Variants in LCMT1 observed in about 807,000 individuals in gnomAD.
The protein encoded by LCMT1 is [Phosphatase 2A protein]-leucine-carboxy methyltransferase 1.
A neutral mutation model predicts 47.7 loss-of-function variants in LCMT1; 32 were observed. The observed-to-expected ratio is 0.67, with a 90% confidence interval of 0.51 to 0.90. The LOEUF (loss-of-function observed/expected upper bound fraction) is 0.90. Among genes scored for constraint, LCMT1 ranks in the 40% least tolerant of loss-of-function variants. The pLI is 0.00. For missense variants in LCMT1, 375 were observed against 415.2 expected (o/e 0.90, Z 0.84); for synonymous variants, 152 against 149.7 (o/e 1.02, Z -0.11).
chr16:25,167,017 AG>A lies in LCMT1; in HGVS notation c.691-2094del, dbSNP rs1961609497. 3.9e-5 allele frequency among the ~76,000 whole-genome samples: 6 copies of A among 152,026 alleles called. No homozygotes were observed. In the South Asian group the frequency reaches 1.0e-3, roughly 26 times the overall value. Reference sequence around the variant, plus strand: ...TTGTACTGCTGCTTTCCCTTTCCTTAGTTTGTGTATTCTTTTGTTGAACAAG... The same window carrying A: ...TTGTACTGCTGCTTTCCCTTTCCTTATTTGTGTATTCTTTTGTTGAACAAG... On this transcript the variant is annotated intron_variant, in intron 7 of 10. Coordinates refer to ENST00000399069, the MANE Select transcript of LCMT1 (RefSeq NM_016309.3).
In LCMT1 at chr16:25,140,179, T is replaced by C. The variant is rs373688629; in HGVS notation, c.336T>C (p.Asp112=). The C allele has an allele frequency of 4.4e-6, 7 of 1,607,032 alleles. No homozygotes were observed. The African/African-American group carries it at 6.7e-5, about 15-fold the overall frequency. Residue 112 remains aspartate (D), a synonymous_variant, in exon 4 of 11, where the codon GAT becomes GAC. Coordinates refer to ENST00000399069, the MANE Select transcript of LCMT1 (RefSeq NM_016309.3). ...DTTFWRLKDE[D]LLPSKYFEVD... is the part of the protein sequence containing the mutation. ...TGTGTGTTTTTCCCCAGGATGAAGA[T>C]CTTCTCCCAAGTAAATATTTTGAGG...
intron 9 of LCMT1, among the ~76,000 whole-genome samples, chr16:25,172,780 A>T (rs1302463143): frequency 1.3e-5 from 2 of 152,238 alleles, no homozygotes; most frequent in African/African-American, 2.4e-5. Flanking sequence ...TTCTTCCAGA[A>T]GCATCCTTCC....
chr16:25,124,742 A>G (rs552474141), intron 1 of LCMT1, among the ~76,000 whole-genome samples: 1 of 152,364 alleles, frequency 6.6e-6, no homozygotes, highest in South Asian at 2.1e-4. Context: ...TCGTGGAGAC[A>G]GGTCTCAGTC....
rs750991801 is a variant in LCMT1, at chr16:25,123,223, CTTT to C, written c.114-5235_114-5233del. Among the ~76,000 whole-genome samples the C allele has an allele frequency of 9.5e-3, 1,098 of 116,158 alleles. 11 individuals carry two copies. The highest frequency in any genetic ancestry group is 0.034 in the African/African-American group (1,038 of 30,262). The allele number at this position is 116,158 out of a possible 152,430, so 76.2% of individuals were successfully genotyped here. On this transcript the variant is annotated intron_variant, in intron 1 of 10. Coordinates refer to ENST00000399069, the MANE Select transcript of LCMT1 (RefSeq NM_016309.3). ...ACAACACTTGTATTATATATAACTT[CTTT>C]TTTTTTTTTTTTTTTTGTGACAGAG...
At chr16:25,156,618 C>T (rs373053711) in intron 5 of LCMT1, among the ~76,000 whole-genome samples, 26 of 152,238 alleles carry the variant, frequency 1.7e-4, no homozygotes, top group African/African-American at 5.8e-4. Flanking sequence ...GGCTGGGGCT[C>T]GGGTGGCAGG....
At chr16:25,131,797 C>T (rs982753791) in intron 2 of LCMT1, among the ~76,000 whole-genome samples, 4 of 152,162 alleles carry the variant, frequency 2.6e-5, no homozygotes, top group East Asian at 1.9e-4. Flanking sequence ...GGTCTATCCT[C>T]CCAAGAAGCT....
intron 9 of LCMT1, among the ~76,000 whole-genome samples, chr16:25,172,334 G>T (rs965211320): frequency 6.6e-6 from 1 of 151,502 alleles, no homozygotes; most frequent in African/African-American, 2.4e-5. Flanking sequence ...AGGGTACATA[G>T]TATTTATATT....
intron 5 of LCMT1, among the ~76,000 whole-genome samples, chr16:25,153,370 C>T (rs1348570852): frequency 6.6e-6 from 1 of 152,208 alleles, no homozygotes; most frequent in Non-Finnish European, 1.5e-5. Flanking sequence ...GGGCCCACAT[C>T]TGGCAAGGGC....
At chr16:25,165,073 A>AAGTC (rs1306155189) in intron 7 of LCMT1, among the ~76,000 whole-genome samples, 3 of 149,894 alleles carry the variant, frequency 2.0e-5, no homozygotes, top group African/African-American at 7.4e-5. Context: ...TCAGTGGAGG[A>AAGTC]AGTCAGCCAG....
intron 2 of LCMT1, among the ~76,000 whole-genome samples, chr16:25,131,569 G>C (rs1285753950): frequency 1.3e-5 from 2 of 152,180 alleles, no homozygotes; most frequent in Non-Finnish European, 2.9e-5. Context: ...TTGTAATAAA[G>C]TTTCTAAATG....
intron 5 of LCMT1, among the ~76,000 whole-genome samples, chr16:25,153,295 T>C (rs930717741): frequency 1.3e-5 from 2 of 152,224 alleles, no homozygotes; most frequent in African/African-American, 2.4e-5. Flanking sequence ...TACCTGGGAC[T>C]GGGTACTTTA....
At chr16:25,119,549 G>C (rs1385747449) in intron 1 of LCMT1, among the ~76,000 whole-genome samples, 6 of 152,016 alleles carry the variant, frequency 3.9e-5, no homozygotes, top group Non-Finnish European at 5.9e-5. Context: ...TGGTCTATGT[G>C]TTCTAGAAAG....
chr16:25,151,446 T>C, intron 4 of LCMT1, 108 bp from the exon 5 acceptor site: 1 of 900,542 alleles, frequency 1.1e-6, no homozygotes, highest in South Asian at 1.5e-5. Context: ...AGCAAATATA[T>C]ATTTGCCATT....
rs147678773 is a variant in LCMT1, at chr16:25,138,656, C to T, written c.328-1515C>T. Reference sequence around the variant, plus strand: ...ACCTGTGTCTGTAACAATAAAGGCACACACGTGTTGATTCAAATGCTAGAG... The same window carrying T: ...ACCTGTGTCTGTAACAATAAAGGCATACACGTGTTGATTCAAATGCTAGAG... On this transcript the variant is annotated intron_variant, in intron 3 of 10. Transcript: ENST00000399069. Among the ~76,000 whole-genome samples, 394 of 152,320 alleles carry T rather than the reference C, an allele frequency of 2.6e-3. 2 individuals carry two copies. The highest frequency in any genetic ancestry group is 4.9e-3 in the Non-Finnish European group (334 of 68,022).
chr16:25,119,888 C>T (rs956675950), intron 1 of LCMT1, among the ~76,000 whole-genome samples: 6 of 151,988 alleles, frequency 3.9e-5, no homozygotes, highest in Admixed American at 2.6e-4. Context: ...AGGCCAGGCA[C>T]GGTGGCTCAT....
chr16:25,118,062 C>G (rs1057150125), intron 1 of LCMT1, among the ~76,000 whole-genome samples: 10 of 152,164 alleles, frequency 6.6e-5, no homozygotes, highest in Non-Finnish European at 1.2e-4. Flanking sequence ...AATGGGCTCT[C>G]CCGATCTCTG....
chr16:25,119,987 C>T (rs1339751928), intron 1 of LCMT1, among the ~76,000 whole-genome samples: 3 of 151,650 alleles, frequency 2.0e-5, no homozygotes, highest in Non-Finnish European at 2.9e-5. Context: ...GGTGAAATCC[C>T]GTCTCTACTA....
chr16:25,174,653 T>A (rs1287308264), intron 9 of LCMT1: 1 of 192,134 alleles, frequency 5.2e-6, no homozygotes, highest in Non-Finnish European at 1.1e-5. Context: ...TTTTTCTTAC[T>A]GAAGTTTAAC....
intron 9 of LCMT1, among the ~76,000 whole-genome samples, chr16:25,174,157 C>T (rs1961858054): frequency 6.6e-6 from 1 of 152,178 alleles, no homozygotes; most frequent in Non-Finnish European, 1.5e-5. Context: ...GGAGATCCAC[C>T]CACCATGGCC....
Sources: allele counts gnomAD v4.1 joint callset (sites outside exome capture counted in the v4.1 genomes callset), GRCh38; gene constraint gnomAD v4.1.1; transcripts MANE v1.5; gene names NCBI Gene and HGNC (gene_info 2026-07-23, HGNC 2026-07-21).